The following MAP3K19 variants were observed in gnomAD, a reference collection of about 807,000 sequenced individuals.
MAP3K19 encodes mitogen-activated protein kinase kinase kinase 19.
In MAP3K19, 91 loss-of-function variants were observed where a neutral mutation model predicts 114.4. The ratio of observed to expected loss-of-function variants is 0.80; its 90% confidence interval spans 0.67 to 0.95. MAP3K19 has a LOEUF of 0.95. Ranked by LOEUF, MAP3K19 falls within the 40% of genes least tolerant of loss-of-function variation. MAP3K19 has a pLI of 0.00. For missense variants in MAP3K19, 1,471 were observed against 1,573.2 expected (o/e 0.94, Z 1.10); for synonymous variants, 518 against 530.5 (o/e 0.98, Z 0.32).
chr2:135,008,400 C>T (rs1197776335), intron 5 of MAP3K19, among the ~76,000 whole-genome samples: 3 of 152,156 alleles, frequency 2.0e-5, no homozygotes, highest in Non-Finnish European at 2.9e-5. Flanking sequence ...GGATTACAGG[C>T]GTGAGCCACC....
intron 5 of MAP3K19, among the ~76,000 whole-genome samples, chr2:135,013,844 T>C (rs1474283013): frequency 6.6e-6 from 1 of 152,160 alleles, no homozygotes; most frequent in Non-Finnish European, 1.5e-5. Context: ...CCTTCTTCAT[T>C]ATACCAATGA....
intron 1 of MAP3K19, among the ~76,000 whole-genome samples, chr2:135,041,486 G>A (rs1051511089): frequency 3.3e-5 from 5 of 151,972 alleles, no homozygotes; most frequent in African/African-American, 1.2e-4. Flanking sequence ...GACTACTGGT[G>A]CGCCACCATG....
chr2:135,025,509 C>G (rs1046582227), intron 3 of MAP3K19, among the ~76,000 whole-genome samples: 3 of 151,648 alleles, frequency 2.0e-5, no homozygotes, highest in Admixed American at 2.0e-4. Context: ...CCTCAGCCTC[C>G]AGAGTAGCTG....
chr2:135,021,160 A>G (rs1440225127), intron 5 of MAP3K19, among the ~76,000 whole-genome samples: 1 of 151,940 alleles, frequency 6.6e-6, no homozygotes, highest in Admixed American at 6.6e-5. Flanking sequence ...TATATGTTGA[A>G]ATCTTAACTA....
In MAP3K19 at chr2:135,014,358, C is replaced by T. The variant is rs561450009; in HGVS notation, c.138+7357G>A. Among the ~76,000 whole-genome samples, 6 of 151,790 alleles carry T rather than the reference C, an allele frequency of 4.0e-5. No individual in the cohort carries two copies. The South Asian group carries it at 1.3e-3, about 32-fold the overall frequency. On this transcript the variant is annotated intron_variant, in intron 5 of 12. Transcript: ENST00000392915. ...CCTAGGTGACAGAGTGAGACCCTGT[C>T]TCCAAAAAAGAAGAAAAGAAAAAAA...
In MAP3K19 at chr2:134,987,199, C is replaced by G; in HGVS notation, c.1673G>C (p.Gly558Ala). The change falls in exon 10 of 13, where the codon GGT (glycine) becomes GCT (alanine). Residue 558 changes from glycine to alanine, a missense_variant. Physicochemically the swap from Gly to Ala is moderately conservative, Grantham distance 60. Coordinates refer to ENST00000392915, the MANE Select transcript of MAP3K19 (RefSeq NM_025052.5). ...TTTATGCATGGTAGGCTTAATGGGA[C>G]CTTCAGTAGAAATCACAAAATTCTG... Reference protein sequence around the residue: ...TPQNFVISTEGPIKPTMHKTS... With the variant: ...TPQNFVISTEAPIKPTMHKTS... 1 of 1,614,062 alleles carries G rather than the reference C, an allele frequency of 6.2e-7. No individual in the cohort carries two copies. The highest frequency in any genetic ancestry group is 8.5e-7 in the Non-Finnish European group (1 of 1,179,998).
chr2:134,974,674 GGCTTTGTTCAC>G (rs1336006621), intron 12 of MAP3K19, among the ~76,000 whole-genome samples: 4 of 152,142 alleles, frequency 2.6e-5, no homozygotes, highest in African/African-American at 9.7e-5. Flanking sequence ...ATGTCATGTA[GGCTTTGTTCAC>G]TCTTTTTTTT....
In MAP3K19 at chr2:135,000,546, T is replaced by C. The variant is rs77553521; in HGVS notation, c.236-531A>G. ...AAAACTAGTGTGAACTATTCTAACA[T>C]TGCCTGTTCTTTAAGGTGTGTTCAT... On this transcript the variant is annotated intron_variant, in intron 6 of 12. Coordinates refer to ENST00000392915, the MANE Select transcript of MAP3K19 (RefSeq NM_025052.5). Among the ~76,000 whole-genome samples the C allele has an allele frequency of 7.1e-3, 1,075 of 152,366 alleles. 12 individuals carry two copies. The highest frequency in any genetic ancestry group is 0.024 in the African/African-American group (1,005 of 41,592).
intron 5 of MAP3K19, among the ~76,000 whole-genome samples, chr2:135,019,788 A>T (rs1687843788): frequency 6.6e-6 from 1 of 152,168 alleles, no homozygotes; most frequent in Admixed American, 6.5e-5. Context: ...TTGCATCTCC[A>T]GTTCTCTCTC....
Position 134,987,376 on chromosome 2 carries a change from A to G in MAP3K19, c.1496T>C (p.Val499Ala). The G allele has an allele frequency of 1.9e-6, 3 of 1,614,114 alleles. No homozygotes were observed. The highest frequency in any genetic ancestry group is 2.5e-6 in the Non-Finnish European group (3 of 1,180,028). Residue 499 changes from valine to alanine, a missense_variant, in exon 10 of 13, where the codon GTG becomes GCG. Physicochemically the swap from Val to Ala is moderately conservative, Grantham distance 64 (BLOSUM62 0). Coordinates refer to ENST00000392915, the MANE Select transcript of MAP3K19 (RefSeq NM_025052.5). ...FPVDGSPKEPVIAKPSLQTRK... is the reference protein window; with the variant it reads ...FPVDGSPKEPAIAKPSLQTRK... ...TGTTTGGAGGCTTGGTTTGGCTATCACTGGTTCCTTGGGGCTTCCATCCAC... is the reference window on the plus strand; with the variant it reads ...TGTTTGGAGGCTTGGTTTGGCTATCGCTGGTTCCTTGGGGCTTCCATCCAC...
At chr2:135,015,720 C>T in intron 5 of MAP3K19, among the ~76,000 whole-genome samples, 1 of 151,858 alleles carries the variant, frequency 6.6e-6, no homozygotes, top group East Asian at 1.9e-4. Context: ...TAGTGAAACC[C>T]CATCTCTACT....
At chr2:134,969,101 A>T (rs1683668186) in intron 12 of MAP3K19, among the ~76,000 whole-genome samples, 1 of 152,120 alleles carries the variant, frequency 6.6e-6, no homozygotes, top group South Asian at 2.1e-4. Flanking sequence ...CAATCCCGGC[A>T]CCTTGGGAGG....
In MAP3K19 at chr2:134,988,281, A is replaced by C. The variant is rs925422436; in HGVS notation, c.619-28T>G. On this transcript the variant is annotated intron_variant, in intron 9 of 12. Transcript: ENST00000392915. ...AAAAGGAAGACAGAAAAAGCTGTGA[A>C]TGCAGAAACATATATAAATATCACG... is the stretch of plus-strand genomic sequence containing the variant. 4.0e-6 allele frequency: 6 copies of C among 1,509,310 alleles called. No homozygotes were observed. The Admixed American group carries it at 1.3e-4, about 33-fold the overall frequency. 93.5% of individuals were successfully genotyped at this position (1,509,310 alleles called of 1,614,324 possible).
rs148558917 is a variant in MAP3K19, at chr2:134,998,591, C to T, written c.574+147G>A. On this transcript the variant is annotated intron_variant, in intron 8 of 12. Coordinates refer to ENST00000392915, the MANE Select transcript of MAP3K19 (RefSeq NM_025052.5). ...TATTGTCTGTCTCGCACCCCCATGACCCCCAGGAATGTAAATTACACAAGG... is the reference window on the plus strand; with the variant it reads ...TATTGTCTGTCTCGCACCCCCATGATCCCCAGGAATGTAAATTACACAAGG... The T allele has an allele frequency of 1.2e-4, 91 of 760,674 alleles. No homozygotes were observed. The African/African-American group carries it at 1.4e-3, about 12-fold the overall frequency. The allele number at this position is 760,674 out of a possible 1,614,324, so 47.1% of individuals were successfully genotyped here.
chr2:134,994,681 T>C (rs951731758), intron 8 of MAP3K19, among the ~76,000 whole-genome samples: 6 of 152,224 alleles, frequency 3.9e-5, no homozygotes, highest in Admixed American at 2.0e-4. Context: ...AAAAGGTCCA[T>C]TGATCTATAC....
In MAP3K19 at chr2:134,987,562, C is replaced by A. The variant is rs1038421124; in HGVS notation, c.1310G>T (p.Cys437Phe). 9 of 1,614,010 alleles carry A rather than the reference C, an allele frequency of 5.6e-6. No homozygotes were observed. The highest frequency in any genetic ancestry group is 3.3e-5 in the Admixed American group (2 of 60,008). ...ACTGGATAAGCTTTTAAGTACAGTA[C>A]ACTCTTCTAAAATATTGTTTGGTTC... ...AMEPNNILEE[C>F]TVLKSLSSVV... is the part of the protein sequence containing the mutation. Residue 437 changes from cysteine to phenylalanine, a missense_variant, in exon 10 of 13, where the codon TGT (cysteine) becomes TTT (phenylalanine). Physicochemically the swap from Cys to Phe is radical, Grantham distance 205 (BLOSUM62 -2). Transcript: ENST00000392915.
At chr2:134,982,921 G>T (rs149729835) in intron 11 of MAP3K19, among the ~76,000 whole-genome samples, 1 of 152,146 alleles carries the variant, frequency 6.6e-6, no homozygotes, top group Admixed American at 6.5e-5. Flanking sequence ...TAAAGTGCTA[G>T]GGTTTAGATA....
intron 11 of MAP3K19, 29 bp downstream of exon 11, chr2:134,983,647 G>A (rs535902443): frequency 2.0e-6 from 3 of 1,504,624 alleles, no homozygotes; most frequent in East Asian, 4.8e-5. Context: ...GGTGGGGAGT[G>A]CTGATTTCAA....
rs930280098 is a variant in MAP3K19, at chr2:134,987,682, G to T, written c.1190C>A (p.Thr397Asn). Reference sequence around the variant, plus strand: ...GCTTGGAGTTATTTCTGAATGCTGGGTTTCTTGGAACTTGCTTGGAATGGT... The same window carrying T: ...GCTTGGAGTTATTTCTGAATGCTGGTTTTCTTGGAACTTGCTTGGAATGGT... ...VCTIPSKFQE[T>N]QHSEITPSQD... is the part of the protein sequence containing the mutation. The change falls in exon 10 of 13, where the codon ACC becomes AAC. Residue 397 changes from threonine to asparagine, a missense_variant. Coordinates refer to ENST00000392915, the MANE Select transcript of MAP3K19 (RefSeq NM_025052.5). 6.2e-7 allele frequency: 1 copy of T among 1,613,570 alleles called. No homozygotes were observed.
Sources: gnomAD v4.1 joint callset for allele counts (sites outside exome capture counted in the v4.1 genomes callset) on GRCh38, gnomAD v4.1.1 for gene constraint, MANE v1.5 for transcripts, NCBI Gene and HGNC (gene_info 2026-07-23, HGNC 2026-07-21) for gene names.